NRXN3: variants seen among roughly 807,000 people sequenced by gnomAD.
The protein encoded by NRXN3 is neurexin 3, also known as neurexin III.
In NRXN3, 32 loss-of-function variants were observed where a neutral mutation model predicts 137.6. The ratio of observed to expected loss-of-function variants is 0.23; its 90% CI spans 0.18 to 0.31. NRXN3 has a LOEUF of 0.31. Ranked by LOEUF, NRXN3 falls within the 10% of genes least tolerant of loss-of-function variation. The probability of loss-of-function intolerance (pLI) is 1.00; values close to 1 mark genes in which losing one functional copy is unlikely to be tolerated. For synonymous variants in NRXN3, 798 were observed against 784.5 expected (o/e 1.02, Z -0.29); for missense variants, 1,574 against 2,062.5 (o/e 0.76, Z 4.59).
At chr14:78,273,845 G>A (rs1012662857) in intron 2 of NRXN3, among the ~76,000 whole-genome samples, 2 of 152,100 alleles carry the variant, frequency 1.3e-5, no homozygotes, top group African/African-American at 4.8e-5. Context: ...TCATACTGAT[G>A]GGCCTGTAGT....
In NRXN3 at chr14:79,863,302, TAATAG is replaced by T. The variant is rs2099416008; in HGVS notation, c.*1339_*1343del. The stretch of plus-strand genomic sequence containing the variant: ...CTGTGACACACACACAAAAGGAATT[TAATAG>T]TATAATATATATATAAATAAATATA... On this transcript the variant is annotated 3_prime_UTR_variant, in exon 21 of 21. Transcript: ENST00000335750. 6.6e-6 allele frequency: 1 copy of T among 150,638 alleles called. No homozygotes were observed. The highest frequency in any genetic ancestry group is 1.5e-5 in the Non-Finnish European group (1 of 67,704). The allele number at this position is 150,638 out of a possible 1,614,324, so 9.3% of individuals were successfully genotyped here.
At chr14:78,537,418 A>C (rs543848542) in intron 4 of NRXN3, among the ~76,000 whole-genome samples, 4 of 152,290 alleles carry the variant, frequency 2.6e-5, no homozygotes, top group Non-Finnish European at 5.9e-5. Flanking sequence ...TCTTTTGAGA[A>C]GTGTCTGTTC....
At chr14:79,162,407 C>A in intron 15 of NRXN3, among the ~76,000 whole-genome samples, 1 of 150,536 alleles carries the variant, frequency 6.6e-6, no homozygotes, top group African/African-American at 2.4e-5. Flanking sequence ...GTTTTTTGTT[C>A]TTGCGATAGT....
intron 2 of NRXN3, among the ~76,000 whole-genome samples, chr14:78,244,406 G>A (rs1302814126): frequency 6.6e-6 from 1 of 151,584 alleles, no homozygotes; most frequent in African/African-American, 2.4e-5. Context: ...CTCCAGCCTG[G>A]GTGACAGAGT....
At chr14:78,668,032 C>T (rs952907060) in intron 6 of NRXN3, among the ~76,000 whole-genome samples, 3 of 152,188 alleles carry the variant, frequency 2.0e-5, no homozygotes, top group African/African-American at 7.2e-5. Context: ...GTGATGCACC[C>T]ACCTCGGTCT....
rs1051020555 is a variant in NRXN3 at position 78,413,670 on chromosome 14, G to A, written c.757+115810G>A. On this transcript the variant is annotated intron_variant, in intron 4 of 20. Coordinates refer to ENST00000335750, the MANE Select transcript of NRXN3 (RefSeq NM_001330195.2). ...TCTCCAGGTGAAGTGGCTCCCATTA[G>A]CTAAAGACAATTCTGCAGAGAAGGA... 7.2e-5 allele frequency among the ~76,000 whole-genome samples: 11 copies of A among 152,150 alleles called. No homozygotes were observed. In the East Asian group the frequency reaches 7.7e-4, roughly 11 times the overall value.
intron 10 of NRXN3, among the ~76,000 whole-genome samples, chr14:78,917,987 T>TGAAAAAAAAAAAAAAAAAAAAAAAAA (rs2099260376): frequency 2.6e-5 from 2 of 76,482 alleles, no homozygotes; most frequent in African/African-American, 5.7e-5. Context: ...AATAAAAAAA[T>TGAAAAAAAAAAAAAAAAAAAAAAAAA]GAAAAAAAAA....
At position 78,297,838 on chromosome 14, in the gene NRXN3, C is replaced by T. The variant is rs1263008583; in HGVS notation, c.735C>T (p.Ser245=). The T allele has an allele frequency of 9.1e-6, 14 of 1,536,036 alleles. No individual in the cohort carries two copies. Among genetic ancestry groups the T allele is most frequent in the Non-Finnish European group, 1.2e-5 (14 of 1,146,648 alleles). The change falls in exon 4 of 21, where the codon TCC becomes TCT. Residue 245 remains serine (S), a synonymous_variant. Coordinates refer to ENST00000335750, the MANE Select transcript of NRXN3 (RefSeq NM_001330195.2). Reference sequence around the variant, plus strand: ...CCTGTTTCTCTTCCTCAGGCCTCTCCCACCTCATGATGAGTGAACAAGGTA... The same window carrying T: ...CCTGTTTCTCTTCCTCAGGCCTCTCTCACCTCATGATGAGTGAACAAGGTA... ...SEDVSQDPGL[S]HLMMSEQARE...
intron 10 of NRXN3, among the ~76,000 whole-genome samples, chr14:78,889,728 G>T (rs577599300): frequency 6.6e-6 from 1 of 152,088 alleles, no homozygotes; most frequent in South Asian, 2.1e-4. Context: ...CAGCAGGGAG[G>T]TAAAACACAC....
chr14:78,986,033 G>A (rs1039068563), intron 14 of NRXN3, among the ~76,000 whole-genome samples: 1 of 152,222 alleles, frequency 6.6e-6, no homozygotes, highest in South Asian at 2.1e-4. Context: ...GGCCTGTCCT[G>A]CTTCCACCCT....
At chr14:78,983,324 G>A (rs546702231) in intron 14 of NRXN3, among the ~76,000 whole-genome samples, 4 of 152,254 alleles carry the variant, frequency 2.6e-5, no homozygotes, top group South Asian at 2.1e-4. Context: ...AAGGCAGTAC[G>A]CCAAAGAGAT....
intron 15 of NRXN3, among the ~76,000 whole-genome samples, chr14:79,172,332 A>G (rs914143112): frequency 6.6e-6 from 1 of 152,178 alleles, no homozygotes; most frequent in African/African-American, 2.4e-5. Flanking sequence ...GTGTCAGTAA[A>G]AGAAGATGAA....
intron 16 of NRXN3, among the ~76,000 whole-genome samples, chr14:79,656,312 G>A (rs2098505273): frequency 6.6e-6 from 1 of 152,174 alleles, no homozygotes; most frequent in South Asian, 2.1e-4. Context: ...CCAGGAGACT[G>A]CTCCAGGTCT....
rs2099417591 is a variant in NRXN3 at position 79,865,167 on chromosome 14, T to C, written c.*3203T>C. 6.6e-6 allele frequency: 1 copy of C among 152,228 alleles called. No individual in the cohort carries two copies. Among genetic ancestry groups the C allele is most frequent in the Admixed American group, 6.5e-5 (1 of 15,284 alleles). The allele number at this position is 152,228 out of a possible 1,614,324, so 9.4% of individuals were successfully genotyped here. On this transcript the variant is annotated 3_prime_UTR_variant, in exon 21 of 21. Transcript: ENST00000335750. ...TAGTGCCATAAGCACTAGAAAGTCT[T>C]AGATGTCTTCTTTCCAAGCCTCCCA... is the stretch of plus-strand genomic sequence containing the variant.
chr14:78,337,821 G>A (rs2081649492), intron 4 of NRXN3, among the ~76,000 whole-genome samples: 1 of 152,134 alleles, frequency 6.6e-6, no homozygotes, highest in Non-Finnish European at 1.5e-5. Context: ...TTTGTTTGGA[G>A]GAACCAGAGA....
At chr14:78,928,805 G>T (rs1222360372) in intron 10 of NRXN3, among the ~76,000 whole-genome samples, 2 of 152,056 alleles carry the variant, frequency 1.3e-5, no homozygotes, top group Non-Finnish European at 2.9e-5. Flanking sequence ...ATAATCCTTT[G>T]GGTATATACC....
chr14:79,019,454 G>A (rs1418464663), intron 15 of NRXN3, among the ~76,000 whole-genome samples: 1 of 152,146 alleles, frequency 6.6e-6, no homozygotes, highest in Non-Finnish European at 1.5e-5. Flanking sequence ...ATAGTGATAA[G>A]GGCTATGAAG....
chr14:78,626,035 T>C (rs2097454833), intron 4 of NRXN3, among the ~76,000 whole-genome samples: 1 of 152,210 alleles, frequency 6.6e-6, no homozygotes, highest in Non-Finnish European at 1.5e-5. Flanking sequence ...TGCTCAGCAT[T>C]GACCAGCCAT....
intron 4 of NRXN3, among the ~76,000 whole-genome samples, chr14:78,366,193 A>G (rs889566622): frequency 1.3e-5 from 2 of 152,196 alleles, no homozygotes; most frequent in African/African-American, 4.8e-5. Context: ...AGCTCTCAGT[A>G]AAAGCTAGCT....
Sources: allele counts gnomAD v4.1 joint callset (sites outside exome capture counted in the v4.1 genomes callset), GRCh38; gene constraint gnomAD v4.1.1; transcripts MANE v1.5; gene names NCBI Gene and HGNC (gene_info 2026-07-23, HGNC 2026-07-21).